HORMAD2: variants seen among roughly 807,000 people sequenced by gnomAD.
The protein encoded by HORMAD2 is HORMA domain-containing protein 2.
HORMAD2 carries 45 observed loss-of-function variants against 38.8 expected under a neutral mutation model. The observed-to-expected ratio is 1.16, with a 90% CI of 0.91 to 1.49. The LOEUF is 1.49. Among genes scored for constraint, HORMAD2 ranks in the 40% most tolerant of loss-of-function variants. The pLI is 0.00. For synonymous variants in HORMAD2, 126 were observed against 122.8 expected (o/e 1.03, Z -0.17); for missense variants, 338 against 367.0 (o/e 0.92, Z 0.65).
At chr22:30,198,076 C>G in the HORMAD2 span, among the ~76,000 whole-genome samples, 1 of 152,076 alleles carries the variant, frequency 6.6e-6, no homozygotes, top group Non-Finnish European at 1.5e-5. Flanking sequence ...CCCAGCTACT[C>G]CAGAAGCTGA....
At chr22:30,185,465 G>A in the HORMAD2 span, among the ~76,000 whole-genome samples, 11 of 152,192 alleles carry the variant, frequency 7.2e-5, no homozygotes, top group Non-Finnish European at 1.6e-4. Flanking sequence ...AACTGTTTAA[G>A]AGATTATGGT....
chr22:30,147,597 T>C (rs1219680675), intron 10 of HORMAD2, among the ~76,000 whole-genome samples: 2 of 151,792 alleles, frequency 1.3e-5, no homozygotes, highest in East Asian at 3.9e-4. Flanking sequence ...AAGAAAAAAA[T>C]ACTGATAAGC....
At chr22:30,125,232 T>C (rs1922770212) in intron 10 of HORMAD2, among the ~76,000 whole-genome samples, 1 of 81,578 alleles carries the variant, frequency 1.2e-5, no homozygotes, top group African/African-American at 7.1e-5. Context: ...TTTTTTTTTT[T>C]TTTTTTTTTT....
chr22:30,197,404 G>C, the HORMAD2 span, among the ~76,000 whole-genome samples: 1 of 152,108 alleles, frequency 6.6e-6, no homozygotes, highest in Admixed American at 6.6e-5. Flanking sequence ...ATGAGCAAGA[G>C]GATGCCTAAT....
chr22:30,133,284 C>T (rs538353093), intron 10 of HORMAD2, among the ~76,000 whole-genome samples: 1 of 152,054 alleles, frequency 6.6e-6, no homozygotes, highest in African/African-American at 2.4e-5. Context: ...ATGCTTGTAA[C>T]AAATCTAAGC....
At chr22:30,142,527 A>AT (rs1924153476) in intron 10 of HORMAD2, among the ~76,000 whole-genome samples, 2 of 151,822 alleles carry the variant, frequency 1.3e-5, no homozygotes, top group Admixed American at 6.6e-5. Flanking sequence ...TTTTCTTCAT[A>AT]TTTTTTGTGT....
At position 30,121,520 on chromosome 22, in the gene HORMAD2, A is replaced by G; in HGVS notation, c.411-112A>G. The G allele has an allele frequency of 4.8e-6, 4 of 831,532 alleles. No homozygotes were observed. In the South Asian group the frequency reaches 1.4e-4, roughly 29 times the overall value. 51.5% of individuals were successfully genotyped at this position (831,532 alleles called of 1,614,324 possible). A position where few individuals can be genotyped will look rare whatever the true frequency, so the allele number is the denominator to read the frequency against. On this transcript the variant is annotated intron_variant, in intron 8 of 10. Coordinates refer to ENST00000336726, the MANE Select transcript of HORMAD2 (RefSeq NM_152510.4). ...AATTTACATTCTAAAAAAGTCTCAA[A>G]ATATACTAATGTTTAATTTATATTT...
chr22:30,176,237 AG>A lies in HORMAD2; in HGVS notation c.*71del. The A allele has an allele frequency of 1.8e-6, 2 of 1,085,124 alleles. No homozygotes were observed. Among genetic ancestry groups the A allele is most frequent in the Admixed American group, 4.2e-5 (2 of 47,972 alleles). The allele number at this position is 1,085,124 out of a possible 1,614,324, so 67.2% of individuals were successfully genotyped here. On this transcript the variant is annotated 3_prime_UTR_variant, in exon 11 of 11. Coordinates refer to ENST00000336726, the MANE Select transcript of HORMAD2 (RefSeq NM_152510.4). Reference sequence around the variant, plus strand: ...TGTAAAAACATGCATAAACTGTCTTAGCAGGAAAGTACATTCCTGTTACCAA... The same window carrying A: ...TGTAAAAACATGCATAAACTGTCTTACAGGAAAGTACATTCCTGTTACCAA...
chr22:30,087,434 A>T (rs2146058048), intron 1 of HORMAD2, among the ~76,000 whole-genome samples: 1 of 152,342 alleles, frequency 6.6e-6, no homozygotes. Context: ...GATAGAAGTT[A>T]TACTTGAAAC....
chr22:30,172,954 C>A (rs575749009), intron 10 of HORMAD2, among the ~76,000 whole-genome samples: 39 of 151,736 alleles, frequency 2.6e-4, no homozygotes, highest in African/African-American at 8.9e-4. Flanking sequence ...AGTAAGTAGG[C>A]CTGATAATAC....
chr22:30,125,000 C>G (rs1430935537), intron 10 of HORMAD2, among the ~76,000 whole-genome samples: 1 of 151,980 alleles, frequency 6.6e-6, no homozygotes, highest in Non-Finnish European at 1.5e-5. Context: ...TTGAATTTCT[C>G]TGATTATTTG....
chr22:30,198,275 T>A, the HORMAD2 span, among the ~76,000 whole-genome samples: 41 of 152,356 alleles, frequency 2.7e-4, no homozygotes, highest in Admixed American at 7.2e-4. Flanking sequence ...TTTACACACT[T>A]GTATATGTGT....
At chr22:30,134,626 C>T (rs1189539809) in intron 10 of HORMAD2, among the ~76,000 whole-genome samples, 3 of 151,294 alleles carry the variant, frequency 2.0e-5, no homozygotes, top group African/African-American at 7.3e-5. Flanking sequence ...AATTACTCCT[C>T]TTATGATGCT....
chr22:30,133,017 T>TA (rs1569104211), intron 10 of HORMAD2, among the ~76,000 whole-genome samples: 1 of 152,188 alleles, frequency 6.6e-6, no homozygotes, highest in South Asian at 2.1e-4. Context: ...TCTGTTTGGT[T>TA]AAAAAAGAGA....
Position 30,121,908 on chromosome 22 carries a change from G to C in HORMAD2, c.569-56G>C. Reference sequence around the variant, plus strand: ...TGTTGCTACACATGAAAGATTAATCGGATTTGTTGTATTGAAACTCAGTTT... The same window carrying C: ...TGTTGCTACACATGAAAGATTAATCCGATTTGTTGTATTGAAACTCAGTTT... On this transcript the variant is annotated intron_variant, in intron 9 of 10. Coordinates refer to ENST00000336726, the MANE Select transcript of HORMAD2 (RefSeq NM_152510.4). The C allele has an allele frequency of 3.8e-6, 6 of 1,565,130 alleles. No homozygotes were observed. The South Asian group carries it at 7.1e-5, about 19-fold the overall frequency.
At chr22:30,194,515 G>T in the HORMAD2 span, among the ~76,000 whole-genome samples, 1 of 152,082 alleles carries the variant, frequency 6.6e-6, no homozygotes, top group South Asian at 2.1e-4. Context: ...AACAATGAGG[G>T]GTGATTAGAA....
intron 10 of HORMAD2, among the ~76,000 whole-genome samples, chr22:30,129,154 C>G (rs1923084760): frequency 1.5e-5 from 2 of 133,710 alleles, no homozygotes; most frequent in South Asian, 2.4e-4. Flanking sequence ...GGAGGTGGAG[C>G]TGGCAGTGAG....
At chr22:30,148,375 TGG>T (rs1239329405) in intron 10 of HORMAD2, among the ~76,000 whole-genome samples, 1 of 152,104 alleles carries the variant, frequency 6.6e-6, no homozygotes, top group East Asian at 1.9e-4. Context: ...TTGCCTGGTG[TGG>T]GGGTGGAATT....
rs1922264701 is a variant in HORMAD2 at position 30,119,170 on chromosome 22, C to T, written c.410+123C>T. 7 of 645,362 alleles carry T rather than the reference C, an allele frequency of 1.1e-5. No individual in the cohort carries two copies. The South Asian group carries it at 1.5e-4, about 14-fold the overall frequency. 40.0% of individuals were successfully genotyped at this position (645,362 alleles called of 1,614,324 possible). On this transcript the variant is annotated intron_variant, in intron 8 of 10. Transcript: ENST00000336726. ...TTTCCCCACAAACCCTACAGAAAAC[C>T]ACTATTATAAAAAGGGGCTGCAACA...
Sources: allele counts gnomAD v4.1 joint callset (sites outside exome capture counted in the v4.1 genomes callset), GRCh38; gene constraint gnomAD v4.1.1; transcripts MANE v1.5; gene names NCBI Gene and HGNC (gene_info 2026-07-23, HGNC 2026-07-21).